Variants in GDF9 observed in about 807,000 individuals in gnomAD.
GDF9 encodes growth/differentiation factor 9.
A neutral mutation model predicts 33.8 loss-of-function variants in GDF9; 30 were observed. The ratio of observed to expected loss-of-function variants is 0.89; its 90% CI spans 0.66 to 1.20. The LOEUF (loss-of-function observed/expected upper bound fraction) is 1.20, where lower values mean the gene tolerates loss of function less well. Among genes scored for constraint, GDF9 ranks in the 50% most tolerant of loss-of-function variants. The pLI is 0.00. For missense variants in GDF9, 556 were observed against 543.7 expected, an observed-to-expected ratio of 1.02 and a Z score of -0.22; for synonymous variants, 205 against 200.7, an observed-to-expected ratio of 1.02 and a Z score of -0.18.
In GDF9 at chr5:132,866,449, CG is replaced by C. The variant is rs940546684; in HGVS notation, c.-1917del. On this transcript the variant is annotated 5_prime_UTR_variant, in exon 1 of 2. Transcript: ENST00000687138. The stretch of plus-strand genomic sequence containing the variant: ...TGTCCCCCAAAGTCAGTTCAATCCC[CG>C]ACGTCCTCCGCTAGGCTCCACCCCA... 1.7e-5 allele frequency: 4 copies of C among 232,360 alleles called. No homozygotes were observed. The highest frequency in any genetic ancestry group is 5.3e-5 in the Admixed American group (1 of 18,710). 14.4% of individuals were successfully genotyped at this position (232,360 alleles called of 1,614,324 possible). A position where few individuals can be genotyped will look rare whatever the true frequency, so the allele number is the denominator to read the frequency against.
At position 132,864,597 on chromosome 5, in the gene GDF9, G is replaced by T; in HGVS notation, c.-64C>A. 1 of 1,547,892 alleles carries T rather than the reference G, an allele frequency of 6.5e-7. No individual in the cohort carries two copies. The highest frequency in any genetic ancestry group is 8.8e-7 in the Non-Finnish European group (1 of 1,133,622). Reference sequence around the variant, plus strand: ...CAGTCCTCTTCCTAAAGGCCAGGAAGAGCCTAGCTTGGTCTCTTAAATAAA... The same window carrying T: ...CAGTCCTCTTCCTAAAGGCCAGGAATAGCCTAGCTTGGTCTCTTAAATAAA... On this transcript the variant is annotated 5_prime_UTR_variant, in exon 1 of 2. Coordinates refer to ENST00000687138, the MANE Select transcript of GDF9 (RefSeq NM_005260.7).
Position 132,864,191 on chromosome 5 carries a change from G to A in GDF9, c.343C>T (p.Arg115Trp). 1.9e-6 allele frequency: 3 copies of A among 1,614,134 alleles called. 1 individual carries two copies. The highest frequency in any genetic ancestry group is 2.5e-6 in the Non-Finnish European group (3 of 1,180,012). The change falls in exon 1 of 2, where the codon CGG becomes TGG. Residue 115 changes from arginine to tryptophan, a missense_variant. Physicochemically the swap from Arg to Trp is moderately radical, Grantham distance 101. Coordinates refer to ENST00000687138, the MANE Select transcript of GDF9 (RefSeq NM_005260.7). ...SNRSHLYNTVRLFTPCTRHKQ... is the reference protein window; with the variant it reads ...SNRSHLYNTVWLFTPCTRHKQ... ...TGCCGGGTACAGGGGGTGAAGAGCC[G>A]AACAGTGTTGTAGAGGTGACTTCTA...
Position 132,861,574 on chromosome 5 carries a change from T to A in GDF9, c.*15A>T, listed in dbSNP as rs753217200. Reference sequence around the variant, plus strand: ...ACTTTGCCAAATAGGCTCAAGGTTTTAAGAGGACCATTTGTTAACGACAGG... The same window carrying A: ...ACTTTGCCAAATAGGCTCAAGGTTTAAAGAGGACCATTTGTTAACGACAGG... On this transcript the variant is annotated 3_prime_UTR_variant, in exon 2 of 2. Coordinates refer to ENST00000687138, the MANE Select transcript of GDF9 (RefSeq NM_005260.7). 1.2e-6 allele frequency: 2 copies of A among 1,612,510 alleles called. No individual in the cohort carries two copies. The highest frequency in any genetic ancestry group is 2.2e-5 in the South Asian group (2 of 90,948).
rs542316918 is a variant in GDF9 at position 132,861,310 on chromosome 5, T to G, written c.*279A>C. 7.5e-6 allele frequency: 3 copies of G among 402,058 alleles called. No homozygotes were observed. The highest frequency in any genetic ancestry group is 2.6e-5 in the South Asian group (1 of 38,302). The allele number at this position is 402,058 out of a possible 1,614,324, so 24.9% of individuals were successfully genotyped here. On this transcript the variant is annotated 3_prime_UTR_variant, in exon 2 of 2. Transcript: ENST00000687138. ...TTCCCTATCAAGAATAAGACTCCTATGAAAAGAAAAAAAATCACTCAAGGA... is the reference window on the plus strand; with the variant it reads ...TTCCCTATCAAGAATAAGACTCCTAGGAAAAGAAAAAAAATCACTCAAGGA...
At chr5:132,862,703 T>C (rs1025315504) in intron 1 of GDF9, 147 bp from the exon 2 acceptor site, 45 of 656,278 alleles carry the variant, frequency 6.9e-5, no homozygotes, top group South Asian at 1.3e-4. Context: ...TGGGGGTTAA[T>C]ATAGAAAAGG....
In GDF9 at chr5:132,862,269, T is replaced by G. The variant is rs767789846; in HGVS notation, c.685A>C (p.Arg229=). ...LLQPLVASNK[R]SIHMSINFTC... is the part of the protein sequence containing the mutation. ...AAATTTATAGACATGTGAATACTTCTCTTGTTGGAGGCCACTAAAGGTTGA... is the reference window on the plus strand; with the variant it reads ...AAATTTATAGACATGTGAATACTTCGCTTGTTGGAGGCCACTAAAGGTTGA... Residue 229 remains arginine (R), a synonymous_variant, in exon 2 of 2, where the codon AGA becomes CGA. Transcript: ENST00000687138. 17 of 1,613,680 alleles carry G rather than the reference T, an allele frequency of 1.1e-5. No homozygotes were observed. In the South Asian group the frequency reaches 1.8e-4, roughly 17 times the overall value.
At chr5:132,863,655 A>T (rs2150048029) in intron 1 of GDF9, among the ~76,000 whole-genome samples, 1 of 152,158 alleles carries the variant, frequency 6.6e-6, no homozygotes, top group South Asian at 2.1e-4. Context: ...ATAATTTTTT[A>T]AAGCACCACA....
In GDF9 at chr5:132,861,267, G is replaced by T; in HGVS notation, c.*322C>A. 3.1e-6 allele frequency: 1 copy of T among 322,298 alleles called. No homozygotes were observed. Among genetic ancestry groups the T allele is most frequent in the Non-Finnish European group, 5.8e-6 (1 of 171,680 alleles). The allele number at this position is 322,298 out of a possible 1,614,324, so 20.0% of individuals were successfully genotyped here. A position where few individuals can be genotyped will look rare whatever the true frequency, so the allele number is the denominator to read the frequency against. Reference sequence around the variant, plus strand: ...TATAGCTGCAAGTCCATCCAGGATTGATGCTAATTAAGGTTTTTTCCCTAT... The same window carrying T: ...TATAGCTGCAAGTCCATCCAGGATTTATGCTAATTAAGGTTTTTTCCCTAT... On this transcript the variant is annotated 3_prime_UTR_variant, in exon 2 of 2. Transcript: ENST00000687138.
rs2150042103 is a variant in GDF9 at position 132,861,356 on chromosome 5, C to T, written c.*233G>A. ...AAGGAAAAAAATGTAAAGTTCTCCA[C>T]AATAATTATATTTCATTTAAATTTG... On this transcript the variant is annotated 3_prime_UTR_variant, in exon 2 of 2. Transcript: ENST00000687138. 5 of 506,474 alleles carry T rather than the reference C, an allele frequency of 9.9e-6. No individual in the cohort carries two copies. Among genetic ancestry groups the T allele is most frequent in the East Asian group, 6.9e-5 (2 of 28,972 alleles). The allele number at this position is 506,474 out of a possible 1,614,324, so 31.4% of individuals were successfully genotyped here.
At position 132,864,211 on chromosome 5, in the gene GDF9, C is replaced by T. The variant is rs148994190; in HGVS notation, c.323G>A (p.Ser108Asn). Residue 108 changes from serine to asparagine, a missense_variant, in exon 1 of 2, where the codon AGT becomes AAT. Transcript: ENST00000687138. ...GAGCCGAACAGTGTTGTAGAGGTGACTTCTATTGGATTTAGGAATCCCTTC... is the reference window on the plus strand; with the variant it reads ...GAGCCGAACAGTGTTGTAGAGGTGATTTCTATTGGATTTAGGAATCCCTTC... ...TKEGIPKSNR[S>N]HLYNTVRLFT... The T allele has an allele frequency of 6.8e-6, 11 of 1,614,060 alleles. No homozygotes were observed. In the African/African-American group the frequency reaches 1.5e-4, roughly 22 times the overall value.
upstream of GDF9, chr5:132,866,635 A>T (rs1211870974): frequency 1.7e-6 from 1 of 578,100 alleles, no homozygotes; most frequent in African/African-American, 1.9e-5. Context: ...ACCTTGCCGG[A>T]AATGACGAAC....
chr5:132,865,817 T>C lies in GDF9; in HGVS notation c.-1284A>G, dbSNP rs1759566563. 6.6e-6 allele frequency among the ~76,000 whole-genome samples: 1 copy of C among 151,924 alleles called. No individual in the cohort carries two copies. Among genetic ancestry groups the C allele is most frequent in the East Asian group, 1.9e-4 (1 of 5,164 alleles). On this transcript the variant is annotated 5_prime_UTR_variant, in exon 1 of 2. It removes the in-frame stop codon of an upstream open reading frame in the 5' UTR. Coordinates refer to ENST00000687138, the MANE Select transcript of GDF9 (RefSeq NM_005260.7). ...GAGCTGTACATTGACAACAGCATCG[T>C]CAAGCAGAATGCACTTCAGGGAAAA...
Position 132,864,236 on chromosome 5 carries a change from C to A in GDF9, c.298G>T (p.Glu100Ter). 1 of 1,614,196 alleles carries A rather than the reference C, an allele frequency of 6.2e-7. No homozygotes were observed. The highest frequency in any genetic ancestry group is 1.3e-5 in the African/African-American group (1 of 75,054). Residue 100 changes from glutamate to a stop codon, truncating the protein, a stop_gained, in exon 1 of 2, where the codon GAA becomes TAA. Transcript: ENST00000687138. LOFTEE classifies it high-confidence loss of function. ...KKLYKTYATK[E>*]GIPKSNRSHL... The stretch of plus-strand genomic sequence containing the variant: ...CTTCTATTGGATTTAGGAATCCCTT[C>A]CTTGGTAGCATATGTCTTATAGAGC...
Position 132,862,123 on chromosome 5 carries a change from G to A in GDF9, c.831C>T (p.Ser277=), listed in dbSNP as rs1759293524. 2 of 1,612,924 alleles carry A rather than the reference G, an allele frequency of 1.2e-6. No homozygotes were observed. The highest frequency in any genetic ancestry group is 1.7e-6 in the Non-Finnish European group (2 of 1,178,898). Residue 277 remains serine, a synonymous_variant, in exon 2 of 2, where the codon AGC becomes AGT. Transcript: ENST00000687138. Reference sequence around the variant, plus strand: ...TCCTTTTATAGTGAAGGGAATACCAGCTGTGATAAGCCTGAGCACTTGTGT... The same window carrying A: ...TCCTTTTATAGTGAAGGGAATACCAACTGTGATAAGCCTGAGCACTTGTGT... ...LNDTSAQAYH[S]WYSLHYKRRP...
Position 132,862,464 on chromosome 5 carries a change from T to C in GDF9, c.490A>G (p.Asn164Asp). The change falls in exon 2 of 2, where the codon AAC becomes GAC. Residue 164 changes from asparagine to aspartate, a missense_variant. Asn to Asp is a conservative substitution (Grantham distance 23). Transcript: ENST00000687138. The part of the protein sequence containing the change: ...LKSVLLYNIN[N>D]SVSFSSAVKC... ...ACAGCAGAGGAAAAAGAAACTGAGTTGTTGATATTGTACAGCAAGACTGAC... is the reference window on the plus strand; with the variant it reads ...ACAGCAGAGGAAAAAGAAACTGAGTCGTTGATATTGTACAGCAAGACTGAC... 1 of 1,613,970 alleles carries C rather than the reference T, an allele frequency of 6.2e-7. No individual in the cohort carries two copies. The highest frequency in any genetic ancestry group is 8.5e-7 in the Non-Finnish European group (1 of 1,179,920).
Position 132,862,078 on chromosome 5 carries a change from G to C in GDF9, c.876C>G (p.Asp292Glu). Residue 292 changes from aspartate to glutamate, a missense_variant, in exon 2 of 2, where the codon GAC (aspartate) becomes GAG (glutamate). Transcript: ENST00000687138. ...GATAGGCAGACAGACTTCTCTCCTG[G>C]TCAGGACCCTGGGAAGGCCTCCTTT... ...HYKRRPSQGP[D>E]QERSLSAYPV... 2 of 1,613,986 alleles carry C rather than the reference G, an allele frequency of 1.2e-6. No homozygotes were observed. Among genetic ancestry groups the C allele is most frequent in the African/African-American group, 1.3e-5 (1 of 75,026 alleles).
At position 132,862,091 on chromosome 5, in the gene GDF9, G is replaced by A. The variant is rs745771449; in HGVS notation, c.863C>T (p.Ser288Phe). ...WYSLHYKRRP[S>F]QGPDQERSLS... ...ACTTCTCTCCTGGTCAGGACCCTGG[G>A]AAGGCCTCCTTTTATAGTGAAGGGA... Residue 288 changes from serine to phenylalanine, a missense_variant, in exon 2 of 2, where the codon TCC becomes TTC. Physicochemically the swap from Ser to Phe is radical, Grantham distance 155 (BLOSUM62 -2). Transcript: ENST00000687138. 51 of 1,613,850 alleles carry A rather than the reference G, an allele frequency of 3.2e-5. No individual in the cohort carries two copies. The South Asian group carries it at 4.6e-4, about 15-fold the overall frequency.
Position 132,866,164 on chromosome 5 carries a change from C to G in GDF9, c.-1631G>C, listed in dbSNP as rs966050032. 1.3e-5 allele frequency: 2 copies of G among 152,594 alleles called. No individual in the cohort carries two copies. Among genetic ancestry groups the G allele is most frequent in the African/African-American group, 4.8e-5 (2 of 41,446 alleles). The allele number at this position is 152,594 out of a possible 1,614,324, so 9.5% of individuals were successfully genotyped here. On this transcript the variant is annotated 5_prime_UTR_variant, in exon 1 of 2. Transcript: ENST00000687138. The stretch of plus-strand genomic sequence containing the variant: ...TGAAAATAACGAAGCCCCCTTTGAG[C>G]TACTGGCCAAGGCCAAATGAAACCT...
At position 132,866,163 on chromosome 5, in the gene GDF9, G is replaced by C. The variant is rs1759588148; in HGVS notation, c.-1630C>G. 6.6e-6 allele frequency: 1 copy of C among 152,576 alleles called. No homozygotes were observed. Among genetic ancestry groups the C allele is most frequent in the African/African-American group, 2.4e-5 (1 of 41,438 alleles). 9.5% of individuals were successfully genotyped at this position (152,576 alleles called of 1,614,324 possible). ...CTGAAAATAACGAAGCCCCCTTTGA[G>C]CTACTGGCCAAGGCCAAATGAAACC... On this transcript the variant is annotated 5_prime_UTR_variant, in exon 1 of 2. Coordinates refer to ENST00000687138, the MANE Select transcript of GDF9 (RefSeq NM_005260.7).
Sources: allele counts gnomAD v4.1 joint callset (sites outside exome capture counted in the v4.1 genomes callset), GRCh38; gene constraint gnomAD v4.1.1; transcripts MANE v1.5; gene names NCBI Gene and HGNC (gene_info 2026-07-23, HGNC 2026-07-21).